LAMA4: variants seen among roughly 807,000 people sequenced by gnomAD.
The protein encoded by LAMA4 is laminin subunit alpha 4.
LAMA4 carries 127 observed loss-of-function variants against 207.1 expected under a neutral mutation model. That is an observed-to-expected ratio of 0.61 (90% CI 0.53 to 0.71). LAMA4 has a LOEUF of 0.71. LAMA4 is among the 30% of genes least tolerant of loss of function. The probability of loss-of-function intolerance (pLI) is 0.00; values close to 1 mark genes in which losing one functional copy is unlikely to be tolerated. For synonymous variants in LAMA4, 761 were observed against 816.0 expected (o/e 0.93, Z 1.15); for missense variants, 2,093 against 2,246.5 (o/e 0.93, Z 1.38).
chr6:112,114,034 G>GT (rs1240680409), intron 38 of LAMA4, 42 bp downstream of exon 38: 3 of 1,611,070 alleles, frequency 1.9e-6, no homozygotes, highest in East Asian at 2.2e-5. Flanking sequence ...TGAGAACTCA[G>GT]TTTTTTGGAT....
chr6:112,158,875 C>T lies in LAMA4; in HGVS notation c.1674G>A (p.Ala558=), dbSNP rs150809897. ...LSELDDIIKN[A]SGIYAEIDGA... is the part of the protein sequence containing the mutation. ...CATCTATTTCTGCATAAATCCCTGA[C>T]GCATTCTAAAGAAAAAAATTTTAAT... is the stretch of plus-strand genomic sequence containing the variant. The change falls in exon 14 of 39, where the codon GCG becomes GCA. Residue 558 remains alanine (A), a synonymous_variant. Coordinates refer to ENST00000230538, the MANE Select transcript of LAMA4 (RefSeq NM_001105206.3). 206 of 1,608,932 alleles carry T rather than the reference C, an allele frequency of 1.3e-4. No individual in the cohort carries two copies. Among genetic ancestry groups the T allele is most frequent in the Admixed American group, 2.8e-4 (17 of 59,946 alleles).
At chr6:112,240,203 T>G (rs1554187373) in intron 2 of LAMA4, among the ~76,000 whole-genome samples, 1 of 152,252 alleles carries the variant, frequency 6.6e-6, no homozygotes, top group Non-Finnish European at 1.5e-5. Flanking sequence ...CTCTGTCTAA[T>G]CATTTCTCCT....
intron 2 of LAMA4, among the ~76,000 whole-genome samples, chr6:112,247,890 G>A (rs1023342583): frequency 4.6e-5 from 7 of 152,266 alleles, no homozygotes; most frequent in East Asian, 3.9e-4. Context: ...TATAAACAGA[G>A]TATTATTCAG....
At position 112,141,389 on chromosome 6, in the gene LAMA4, G is replaced by T. The variant is rs727505130; in HGVS notation, c.2782C>A (p.Pro928Thr). Residue 928 changes from proline (P) to threonine (T), a missense_variant, in exon 21 of 39, where the codon CCT (proline) becomes ACT (threonine). Transcript: ENST00000230538. ...PLDSKPVSSW[P>T]AYFSIVKIER... ...ATCTTGACAATGCTGAAGTAAGCAG[G>T]CCAGGAACTGACGGGCTTGGAGTCC... 3 of 1,614,074 alleles carry T rather than the reference G, an allele frequency of 1.9e-6. No individual in the cohort carries two copies. The highest frequency in any genetic ancestry group is 1.7e-6 in the Non-Finnish European group (2 of 1,179,946).
At chr6:112,205,320 CACAA>C (rs1554353879) in intron 4 of LAMA4, among the ~76,000 whole-genome samples, 1 of 152,142 alleles carries the variant, frequency 6.6e-6, no homozygotes, top group Non-Finnish European at 1.5e-5. Flanking sequence ...GTCCAGTCCT[CACAA>C]CTCTATGATG....
intron 2 of LAMA4, among the ~76,000 whole-genome samples, chr6:112,230,615 G>A (rs569709975): frequency 6.6e-6 from 1 of 152,184 alleles, no homozygotes; most frequent in Non-Finnish European, 1.5e-5. Flanking sequence ...GTCTGTACCA[G>A]GGTTATTTGT....
chr6:112,235,170 A>G lies in LAMA4; in HGVS notation c.196-18701T>C, dbSNP rs1000778594. ...TTTGCAGACCATGTGGGGCTGCCCC[A>G]AACCCCTGAAATACCCCTTTTTCCT... On this transcript the variant is annotated intron_variant, in intron 2 of 38. Coordinates refer to ENST00000230538, the MANE Select transcript of LAMA4 (RefSeq NM_001105206.3). Among the ~76,000 whole-genome samples, 10 of 152,298 alleles carry G rather than the reference A, an allele frequency of 6.6e-5. No homozygotes were observed. The South Asian group carries it at 8.3e-4, about 13-fold the overall frequency.
intron 9 of LAMA4, among the ~76,000 whole-genome samples, chr6:112,183,027 A>G (rs1782458319): frequency 6.6e-6 from 1 of 152,224 alleles, no homozygotes; most frequent in South Asian, 2.1e-4. Context: ...AGGGAAGTTC[A>G]GACAAAACCC....
chr6:112,184,335 A>AC (rs1426497774), intron 9 of LAMA4, among the ~76,000 whole-genome samples: 3 of 152,008 alleles, frequency 2.0e-5, no homozygotes, highest in African/African-American at 7.2e-5. Flanking sequence ...AAAAAAAAAA[A>AC]AAAACTGTGT....
intron 2 of LAMA4, chr6:112,217,946 C>A (rs1433159940): frequency 1.3e-5 from 2 of 152,098 alleles, no homozygotes; most frequent in East Asian, 1.9e-4. Context: ...CATTGTGATG[C>A]AGTACACAGA....
In LAMA4 at chr6:112,203,855, G is replaced by A. The variant is rs117520289; in HGVS notation, c.423-2167C>T. Reference sequence around the variant, plus strand: ...TACTATTAGAGACTTGAGTTTTCGTGTCTGTGAATATGCATCTAGATTTAG... The same window carrying A: ...TACTATTAGAGACTTGAGTTTTCGTATCTGTGAATATGCATCTAGATTTAG... On this transcript the variant is annotated intron_variant, in intron 4 of 38. Transcript: ENST00000230538. Among the ~76,000 whole-genome samples the A allele has an allele frequency of 4.3e-3, 647 of 152,192 alleles. 3 individuals are homozygous for A. The highest frequency in any genetic ancestry group is 0.014 in the Middle Eastern group (4 of 294).
rs2114523924 is a variant in LAMA4 at position 112,108,334 on chromosome 6, T to G, written c.*1103A>C. On this transcript the variant is annotated 3_prime_UTR_variant, in exon 39 of 39. Coordinates refer to ENST00000230538, the MANE Select transcript of LAMA4 (RefSeq NM_001105206.3). ...TACCAGCTATTCAAGTCCATTTTTT[T>G]CTAGACTATATTAATGTAGCTACTT... 6.6e-6 allele frequency among the ~76,000 whole-genome samples: 1 copy of G among 152,322 alleles called. No individual in the cohort carries two copies. Among genetic ancestry groups the G allele is most frequent in the Admixed American group, 6.5e-5 (1 of 15,302 alleles).
Position 112,178,125 on chromosome 6 carries a change from G to T in LAMA4, c.1185C>A (p.Ile395=). ...VEQAHDMRDK[I]QEINNKMLYY... ...ACCAGAAGAGAATATATTTACCTTG[G>T]ATTTTATCCCTCATATCATGGGCTT... Residue 395 remains isoleucine (I), a synonymous_variant, in exon 10 of 39, where the codon ATC becomes ATA. Transcript: ENST00000230538. The T allele has an allele frequency of 6.2e-7, 1 of 1,602,684 alleles. No homozygotes were observed. Among genetic ancestry groups the T allele is most frequent in the Non-Finnish European group, 8.5e-7 (1 of 1,169,672 alleles).
intron 38 of LAMA4, 95 bp from the exon 39 acceptor site, chr6:112,109,677 C>T: frequency 5.8e-6 from 7 of 1,215,870 alleles, no homozygotes; most frequent in Non-Finnish European, 8.3e-6. Context: ...TTGCTCATAT[C>T]ATCAATATGA....
intron 6 of LAMA4, 126 bp downstream of exon 6, chr6:112,191,510 A>C: frequency 1.4e-6 from 1 of 733,244 alleles, no homozygotes; most frequent in South Asian, 1.5e-5. Flanking sequence ...GAGAATGTAC[A>C]TTGCCCTGGG....
chr6:112,150,797 C>T (rs557684158), intron 16 of LAMA4, among the ~76,000 whole-genome samples, 170 bp from the exon 17 acceptor site: 2 of 152,268 alleles, frequency 1.3e-5, no homozygotes, highest in African/African-American at 4.8e-5. Context: ...ATTTAAAATT[C>T]GAGGTACAGA....
At chr6:112,134,232 T>C (rs1379161280) in intron 26 of LAMA4, among the ~76,000 whole-genome samples, 2 of 152,242 alleles carry the variant, frequency 1.3e-5, no homozygotes, top group Non-Finnish European at 2.9e-5. Flanking sequence ...GATCATGTTC[T>C]AAGAGTAATA....
chr6:112,202,851 C>T (rs1478035269), intron 4 of LAMA4, among the ~76,000 whole-genome samples: 2 of 152,184 alleles, frequency 1.3e-5, no homozygotes, highest in East Asian at 3.9e-4. Flanking sequence ...GTGTTCCACC[C>T]AGCAGCCTGC....
chr6:112,163,803 T>C (rs1447355750), intron 13 of LAMA4, among the ~76,000 whole-genome samples: 36 of 152,234 alleles, frequency 2.4e-4, no homozygotes, highest in African/African-American at 8.4e-4. Context: ...AGATAGGAGA[T>C]AGTACAGCAC....
Sources: gnomAD v4.1 joint callset for allele counts (sites outside exome capture counted in the v4.1 genomes callset) on GRCh38, gnomAD v4.1.1 for gene constraint, MANE v1.5 for transcripts, NCBI Gene and HGNC (gene_info 2026-07-23, HGNC 2026-07-21) for gene names.